The following PKD2L1 variants were observed in gnomAD, a reference collection of about 807,000 sequenced individuals.
PKD2L1 encodes polycystin-2-like protein 1.
PKD2L1 carries 77 observed loss-of-function variants against 93.0 expected under a neutral mutation model. That is an observed-to-expected ratio of 0.83 (90% CI 0.69 to 1.00). The LOEUF (loss-of-function observed/expected upper bound fraction) is 1.00. Ranked by LOEUF, PKD2L1 falls within the 50% of genes least tolerant of loss-of-function variation. PKD2L1 has a pLI of 0.00. For missense variants in PKD2L1, 977 were observed against 990.9 expected, an observed-to-expected ratio of 0.99 and a Z score of 0.19; for synonymous variants, 390 against 388.0, an observed-to-expected ratio of 1.01 and a Z score of -0.06.
At chr10:100,304,491 ATCTTT>A (rs142114053) in intron 2 of PKD2L1, among the ~76,000 whole-genome samples, 8,171 of 152,124 alleles carry the variant, frequency 0.054, 701 homozygotes, top group African/African-American at 0.19. Flanking sequence ...TTTTATCTTT[ATCTTT>A]TCTTTTCCTT....
intron 2 of PKD2L1, among the ~76,000 whole-genome samples, chr10:100,321,679 GA>G (rs1452309768): frequency 8.8e-3 from 6 of 678 alleles, no homozygotes; most frequent in African/African-American, 0.025. Context: ...AAGAAAGAAA[GA>G]AAGAAAGAAA....
chr10:100,295,987 G>T (rs1848525477), intron 7 of PKD2L1, 135 bp downstream of exon 7: 5 of 702,508 alleles, frequency 7.1e-6, no homozygotes, highest in Non-Finnish European at 1.1e-5. Flanking sequence ...AGTGAGCCAA[G>T]ATCGCCCCCA....
In PKD2L1 at chr10:100,294,649, A is replaced by G. The variant is rs751778673; in HGVS notation, c.1545T>C (p.Thr515=). 1 of 1,614,098 alleles carries G rather than the reference A, an allele frequency of 6.2e-7. No individual in the cohort carries two copies. Among genetic ancestry groups the G allele is most frequent in the Non-Finnish European group, 8.5e-7 (1 of 1,180,018 alleles). Residue 515 remains threonine, a synonymous_variant, in exon 9 of 16, where the codon ACT becomes ACC. Transcript: ENST00000318222. Reference sequence around the variant, plus strand: ...AGTCCCCGAGGATTATCCGGAACTGAGTGAAACTGAGAGACCAGGTCTGGG... The same window carrying G: ...AGTCCCCGAGGATTATCCGGAACTGGGTGAAACTGAGAGACCAGGTCTGGG... ...NFSTFIKCIF[T]QFRIILGDFD...
chr10:100,329,913 G>T lies in PKD2L1; in HGVS notation c.191C>A (p.Thr64Asn). ...EDEPQETAYR[T>N]QVSSCCLHIC... ...ATGGAGGCAGCAGCTGGACACCTGG[G>T]TCCTGTATGCCGTCTCCTGGGGTTC... The change falls in exon 1 of 16, where the codon ACC (threonine) becomes AAC (asparagine). Residue 64 changes from threonine to asparagine, a missense_variant. Thr to Asn is a moderately conservative substitution (Grantham distance 65, BLOSUM62 0). Coordinates refer to ENST00000318222, the MANE Select transcript of PKD2L1 (RefSeq NM_016112.3). The T allele has an allele frequency of 6.2e-7, 1 of 1,613,836 alleles. No individual in the cohort carries two copies.
intron 2 of PKD2L1, among the ~76,000 whole-genome samples, chr10:100,327,198 C>T (rs1849398580): frequency 6.6e-6 from 1 of 152,210 alleles, no homozygotes; most frequent in Non-Finnish European, 1.5e-5. Flanking sequence ...CCTCATGAAA[C>T]AGTGACAGCC....
chr10:100,297,513 T>G lies in PKD2L1; in HGVS notation c.825A>C (p.Pro275=). Reference sequence around the variant, plus strand: ...CCTCTGCACTACCCTGTCGGGATCCTGGAAGGTCCAGGTAGTAGCCACCTC... The same window carrying G: ...CCTCTGCACTACCCTGTCGGGATCCGGGAAGGTCCAGGTAGTAGCCACCTC... ...YSGGGYYLDL[P]GSRQGSAEAL... Residue 275 remains proline, a synonymous_variant, in exon 5 of 16, where the codon CCA becomes CCC. Coordinates refer to ENST00000318222, the MANE Select transcript of PKD2L1 (RefSeq NM_016112.3). The G allele has an allele frequency of 6.2e-7, 1 of 1,614,140 alleles. No individual in the cohort carries two copies. The highest frequency in any genetic ancestry group is 8.5e-7 in the Non-Finnish European group (1 of 1,180,006).
At chr10:100,299,864 A>T in intron 2 of PKD2L1, 146 bp from the exon 3 acceptor site, 1 of 671,864 alleles carries the variant, frequency 1.5e-6, no homozygotes, top group South Asian at 1.9e-5. Context: ...TAGGAGCCTA[A>T]TGGTGGCATG....
intron 4 of PKD2L1, 21 bp downstream of exon 4, chr10:100,298,541 T>C (rs765933749): frequency 1.2e-6 from 2 of 1,612,362 alleles, no homozygotes; most frequent in Non-Finnish European, 1.7e-6. Context: ...CCTGTGATAT[T>C]GGTAGGACAG....
intron 15 of PKD2L1, 86 bp downstream of exon 15, chr10:100,288,883 CTAG>C: frequency 1.3e-6 from 1 of 780,604 alleles, no homozygotes. Context: ...ACCTGTTGTC[CTAG>C]AAGTGCAGGG....
In PKD2L1 at chr10:100,297,114, A is replaced by G. The variant is rs1848559369; in HGVS notation, c.1051T>C (p.Phe351Leu). 6.2e-7 allele frequency: 1 copy of G among 1,614,098 alleles called. No homozygotes were observed. Among genetic ancestry groups the G allele is most frequent in the Non-Finnish European group, 8.5e-7 (1 of 1,180,044 alleles). Residue 351 changes from phenylalanine (F) to leucine (L), a missense_variant, in exon 6 of 16, where the codon TTT becomes CTT. Phe to Leu is a conservative substitution (Grantham distance 22). Coordinates refer to ENST00000318222, the MANE Select transcript of PKD2L1 (RefSeq NM_016112.3). ...LIRYVSNWDFFIVGCEVIFCV... is the reference protein window; with the variant it reads ...LIRYVSNWDFLIVGCEVIFCV... ...AAGATGACCTCACAGCCAACGATAA[A>G]GAAGTCCCAGTTGCTGACATAGCGG...
At chr10:100,317,876 G>A (rs1302554294) in intron 2 of PKD2L1, among the ~76,000 whole-genome samples, 5 of 152,060 alleles carry the variant, frequency 3.3e-5, no homozygotes, top group Non-Finnish European at 5.9e-5. Flanking sequence ...AGATCAGTTC[G>A]AGACCGGCCT....
chr10:100,317,875 C>T (rs886984267), intron 2 of PKD2L1, among the ~76,000 whole-genome samples: 13 of 152,004 alleles, frequency 8.6e-5, no homozygotes, highest in Admixed American at 2.6e-4. Flanking sequence ...GAGATCAGTT[C>T]GAGACCGGCC....
intron 3 of PKD2L1, among the ~76,000 whole-genome samples, chr10:100,299,200 G>C (rs1848622463): frequency 6.6e-6 from 1 of 152,094 alleles, no homozygotes; most frequent in Non-Finnish European, 1.5e-5. Context: ...CAGGTGATTT[G>C]TCTGCCTCAG....
At chr10:100,316,606 C>G (rs1374126980) in intron 2 of PKD2L1, among the ~76,000 whole-genome samples, 1 of 152,238 alleles carries the variant, frequency 6.6e-6, no homozygotes, top group South Asian at 2.1e-4. Context: ...CTAATAAGCT[C>G]TCTTTGTCTC....
At chr10:100,321,467 A>C (rs1849225536) in intron 2 of PKD2L1, among the ~76,000 whole-genome samples, 3 of 133,102 alleles carry the variant, frequency 2.3e-5, no homozygotes, top group Admixed American at 7.4e-5. Context: ...CTCAAAAAAA[A>C]AAGAAAAGAA....
At chr10:100,312,698 G>A (rs1051784223) in intron 2 of PKD2L1, among the ~76,000 whole-genome samples, 6 of 152,124 alleles carry the variant, frequency 3.9e-5, no homozygotes, top group Non-Finnish European at 7.3e-5. Context: ...TCCAGGGAGA[G>A]CAAAGCAATT....
chr10:100,298,933 T>C, intron 3 of PKD2L1, 118 bp from the exon 4 acceptor site: 1 of 718,382 alleles, frequency 1.4e-6, no homozygotes, highest in Non-Finnish European at 2.0e-6. Flanking sequence ...TTTTAAAAAA[T>C]TATTGTTATT....
chr10:100,299,118 A>G (rs1292485996), intron 3 of PKD2L1, among the ~76,000 whole-genome samples: 4 of 151,992 alleles, frequency 2.6e-5, no homozygotes, highest in African/African-American at 9.7e-5. Flanking sequence ...CACTATGCCC[A>G]GCTAATTTTT....
At chr10:100,302,144 A>T (rs1848693712) in intron 2 of PKD2L1, among the ~76,000 whole-genome samples, 2 of 151,966 alleles carry the variant, frequency 1.3e-5, no homozygotes, top group Admixed American at 1.3e-4. Context: ...TCAAATGGTG[A>T]TTTTTTAAAA....
Sources: gnomAD v4.1 joint callset for allele counts (sites outside exome capture counted in the v4.1 genomes callset) on GRCh38, gnomAD v4.1.1 for gene constraint, MANE v1.5 for transcripts, NCBI Gene and HGNC (gene_info 2026-07-23, HGNC 2026-07-21) for gene names.